The following ASNS variants were observed in gnomAD, a reference collection of about 807,000 sequenced individuals.
ASNS encodes the protein asparagine synthetase (glutamine-hydrolyzing), also known as asparagine synthetase [glutamine-hydrolyzing].
Under a neutral mutation model 62.6 loss-of-function variants are expected in ASNS, and 37 were observed. The observed-to-expected ratio is 0.59, with a 90% CI of 0.45 to 0.78. The LOEUF is 0.78. Ranked by LOEUF, ASNS falls within the 30% of genes least tolerant of loss-of-function variation. The pLI is 0.00. For missense variants in ASNS, 520 were observed against 682.4 expected, an observed-to-expected ratio of 0.76 and a Z score of 2.65; for synonymous variants, 207 against 237.9, an observed-to-expected ratio of 0.87 and a Z score of 1.19.
chr7:97,871,558 A>G (rs1792261345), intron 1 of ASNS: 1 of 152,544 alleles, frequency 6.6e-6, no homozygotes, highest in African/African-American at 2.4e-5. Flanking sequence ...AATGGACAGT[A>G]AAGAAATAAT....
chr7:97,880,312 C>G, the ASNS span, among the ~76,000 whole-genome samples: 3 of 152,122 alleles, frequency 2.0e-5, no homozygotes, highest in Admixed American at 1.3e-4. Context: ...TTGGTAGAGA[C>G]GGGGTTTACT....
chr7:97,885,373 C>T, the ASNS span, among the ~76,000 whole-genome samples: 5 of 151,636 alleles, frequency 3.3e-5, no homozygotes, highest in South Asian at 6.3e-4. Context: ...AGTTTCTGGA[C>T]GGACATATAT....
At chr7:97,894,365 T>C in the ASNS span, among the ~76,000 whole-genome samples, 1 of 149,294 alleles carries the variant, frequency 6.7e-6, no homozygotes, top group Non-Finnish European at 1.5e-5. Context: ...AAAATATAAA[T>C]AACATAGCAG....
intron 3 of ASNS, 83 bp from the exon 4 acceptor site, chr7:97,864,579 T>A (rs1791877497): frequency 1.1e-6 from 1 of 937,714 alleles, no homozygotes. Context: ...GCTTCAGTAT[T>A]TCTGAGCTCT....
the ASNS span, among the ~76,000 whole-genome samples, chr7:97,914,327 G>T: frequency 6.6e-6 from 1 of 152,120 alleles, no homozygotes; most frequent in South Asian, 2.1e-4. Context: ...GGGCAAGGGG[G>T]CTTGCCTCTG....
In ASNS at chr7:97,868,993, G is replaced by T. The variant is rs780414978; in HGVS notation, c.164C>A (p.Pro55Gln). The T allele has an allele frequency of 1.9e-6, 3 of 1,614,174 alleles. No homozygotes were observed. Among genetic ancestry groups the T allele is most frequent in the Non-Finnish European group, 2.5e-6 (3 of 1,180,040 alleles). Residue 55 changes from proline (P) to glutamine (Q), a missense_variant, in exon 3 of 13, where the codon CCG (proline) becomes CAG (glutamine). Coordinates refer to ENST00000394308, the MANE Select transcript of ASNS (RefSeq NM_001673.5). ...TCGAATTGGCTGCATTCCAAACAGC[G>T]GGTCAACTACCGCCAACCGGTGAAA... ...FGFHRLAVVD[P>Q]LFGMQPIRVK...
At chr7:97,881,026 T>C in the ASNS span, among the ~76,000 whole-genome samples, 2 of 152,180 alleles carry the variant, frequency 1.3e-5, no homozygotes, top group Non-Finnish European at 2.9e-5. Context: ...CTGCTACCTC[T>C]GTCTCCCGGG....
chr7:97,871,848 G>T (rs34050735), intron 1 of ASNS: 22,531 of 151,680 alleles, frequency 0.15, 1,838 homozygotes, highest in African/African-American at 0.22. Flanking sequence ...GAGGAGGGGG[G>T]CAGTTGAAGG....
chr7:97,868,168 C>T (rs1246597669), intron 3 of ASNS, among the ~76,000 whole-genome samples: 1 of 152,090 alleles, frequency 6.6e-6, no homozygotes, highest in South Asian at 2.1e-4. Context: ...ATTAGCTGGG[C>T]ATGGTGGCAG....
chr7:97,880,934 T>TTTTTGTTTTG, the ASNS span, among the ~76,000 whole-genome samples: 702 of 150,272 alleles, frequency 4.7e-3, 4 homozygotes, highest in East Asian at 0.016. Context: ...TGTGTGTGTG[T>TTTTTGTTTTG]TTTTGTTTTG....
At chr7:97,871,031 G>A (rs1162413628) in intron 1 of ASNS, among the ~76,000 whole-genome samples, 1 of 152,040 alleles carries the variant, frequency 6.6e-6, no homozygotes, top group African/African-American at 2.4e-5. Context: ...TAAACTTCTA[G>A]AACAGTGCTG....
At chr7:97,887,509 T>C in the ASNS span, among the ~76,000 whole-genome samples, 1 of 118,912 alleles carries the variant, frequency 8.4e-6, no homozygotes, top group South Asian at 2.4e-4. Flanking sequence ...TGTGTCTAGC[T>C]TTGGCCACTG....
the ASNS span, chr7:97,928,214 A>T: frequency 6.5e-7 from 1 of 1,527,996 alleles, no homozygotes; most frequent in East Asian, 2.5e-5. Context: ...TCTCTTCGGG[A>T]GGGACGTCGT....
rs747005354 is a variant in ASNS, at chr7:97,852,284, T to TG, written c.1660dup (p.His554ProfsTer17). The TG allele has an allele frequency of 6.2e-7, 1 of 1,614,110 alleles. No homozygotes were observed. The highest frequency in any genetic ancestry group is 1.1e-5 in the South Asian group (1 of 91,086). ...CTAAGCTTTGACAGCTGACTTGTAG[T>TG]GGGTCAGCGTGCGGGCAGAAGGGTC... On this transcript the variant is annotated frameshift_variant, in exon 13 of 13. Coordinates refer to ENST00000394308, the MANE Select transcript of ASNS (RefSeq NM_001673.5). LOFTEE classifies it high-confidence loss of function.
the ASNS span, among the ~76,000 whole-genome samples, chr7:97,884,769 A>T: frequency 6.6e-6 from 1 of 152,208 alleles, no homozygotes; most frequent in South Asian, 2.1e-4. Context: ...TTTAAAGTGA[A>T]CAAATCAATG....
chr7:97,868,933 T>A lies in ASNS; in HGVS notation c.224A>T (p.Asn75Ile), dbSNP rs747624770. Residue 75 changes from asparagine (N) to isoleucine (I), a missense_variant, in exon 3 of 13, where the codon AAT (asparagine) becomes ATT (isoleucine). Coordinates refer to ENST00000394308, the MANE Select transcript of ASNS (RefSeq NM_001673.5). ...CTTCTTATGGTTGTAGATTTCACCATTGTAACAGAGCCACAAATACGGATA... is the reference window on the plus strand; with the variant it reads ...CTTCTTATGGTTGTAGATTTCACCAATGTAACAGAGCCACAAATACGGATA... ...KKYPYLWLCYNGEIYNHKKMQ... is the reference protein window; with the variant it reads ...KKYPYLWLCYIGEIYNHKKMQ... 6.2e-7 allele frequency: 1 copy of A among 1,614,184 alleles called. No homozygotes were observed. Among genetic ancestry groups the A allele is most frequent in the Non-Finnish European group, 8.5e-7 (1 of 1,180,044 alleles).
chr7:97,866,791 C>T (rs1288429689), intron 3 of ASNS, among the ~76,000 whole-genome samples: 1 of 152,190 alleles, frequency 6.6e-6, no homozygotes, highest in Non-Finnish European at 1.5e-5. Context: ...CAAAAATGGG[C>T]TTTGCCTCCA....
In ASNS at chr7:97,853,404, G is replaced by C. The variant is rs577233510; in HGVS notation, c.1239-18C>G. On this transcript the variant is annotated intron_variant, in intron 10 of 12. Coordinates refer to ENST00000394308, the MANE Select transcript of ASNS (RefSeq NM_001673.5). ...GTTCAAGACTTAAAGGAGAAAAGAAGAAAATCTAAATTAAAATGGGTATTT... is the reference window on the plus strand; with the variant it reads ...GTTCAAGACTTAAAGGAGAAAAGAACAAAATCTAAATTAAAATGGGTATTT... The C allele has an allele frequency of 6.9e-5, 110 of 1,603,408 alleles. No homozygotes were observed. Among genetic ancestry groups the C allele is most frequent in the Non-Finnish European group, 8.9e-5 (104 of 1,173,762 alleles).
chr7:97,854,752 A>G (rs1562813429), intron 9 of ASNS, 72 bp from the exon 10 acceptor site: 1 of 1,603,900 alleles, frequency 6.2e-7, no homozygotes, highest in Admixed American at 1.7e-5. Flanking sequence ...TCCCTCTCCA[A>G]TCCTAAAGGT....
Sources: allele counts gnomAD v4.1 joint callset (sites outside exome capture counted in the v4.1 genomes callset), GRCh38; gene constraint gnomAD v4.1.1; transcripts MANE v1.5; gene names NCBI Gene and HGNC (gene_info 2026-07-23, HGNC 2026-07-21).